Variants in COL19A1 observed in about 807,000 individuals in gnomAD.
COL19A1 encodes collagen alpha-1(XIX) chain.
COL19A1 carries 159 observed loss-of-function variants against 190.2 expected under a neutral mutation model. The observed-to-expected ratio is 0.84, with a 90% CI of 0.73 to 0.95. The LOEUF (loss-of-function observed/expected upper bound fraction) is 0.95, where lower values mean the gene tolerates loss of function less well. Among genes scored for constraint, COL19A1 ranks in the 40% least tolerant of loss-of-function variants. COL19A1 has a pLI of 0.00. For synonymous variants in COL19A1, 509 were observed against 458.9 expected (o/e 1.11, Z -1.39); for missense variants, 1,418 against 1,431.9 (o/e 0.99, Z 0.16).
chr6:70,168,175 G>A lies in COL19A1; in HGVS notation c.2501G>A (p.Gly834Asp), dbSNP rs1217162297. Reference sequence around the variant, plus strand: ...TCTTTTCATTTTCTTTTGAAGGGAGGTGTGAATGTTCCCAGTTACCCAGGG... The same window carrying A: ...TCTTTTCATTTTCTTTTGAAGGGAGATGTGAATGTTCCCAGTTACCCAGGG... ...GMSSLYKIKG[G>D]VNVPSYPGPP... is the part of the protein sequence containing the mutation. Residue 834 changes from glycine to aspartate, a missense_variant, in exon 39 of 51, where the codon GGT becomes GAT. Gly to Asp is a moderately conservative substitution (Grantham distance 94). Transcript: ENST00000620364. 4 of 1,612,966 alleles carry A rather than the reference G, an allele frequency of 2.5e-6. No individual in the cohort carries two copies. Among genetic ancestry groups the A allele is most frequent in the East Asian group, 4.5e-5 (2 of 44,790 alleles).
chr6:69,902,177 A>G (rs1561978983), intron 4 of COL19A1, among the ~76,000 whole-genome samples: 1 of 152,214 alleles, frequency 6.6e-6, no homozygotes, highest in Non-Finnish European at 1.5e-5. Flanking sequence ...TGAGCCAAGT[A>G]TGCTAGGATG....
At chr6:70,062,296 A>G (rs1347505039) in intron 14 of COL19A1, among the ~76,000 whole-genome samples, 1 of 152,178 alleles carries the variant, frequency 6.6e-6, no homozygotes, top group Non-Finnish European at 1.5e-5. Flanking sequence ...TATTAATCAA[A>G]TGAAAGCCAT....
chr6:70,069,816 T>G (rs1377460022), intron 15 of COL19A1, among the ~76,000 whole-genome samples: 3 of 152,204 alleles, frequency 2.0e-5, no homozygotes, highest in Non-Finnish European at 2.9e-5. Flanking sequence ...AATTTCATCT[T>G]TATTGATTTT....
intron 4 of COL19A1, among the ~76,000 whole-genome samples, chr6:69,917,520 G>GT (rs1397031812): frequency 6.6e-6 from 1 of 152,122 alleles, no homozygotes; most frequent in Non-Finnish European, 1.5e-5. Flanking sequence ...ACAGGACCCT[G>GT]TTTTTGTGGA....
chr6:69,992,226 C>A (rs957432825), intron 11 of COL19A1, among the ~76,000 whole-genome samples: 4 of 152,008 alleles, frequency 2.6e-5, no homozygotes, highest in Non-Finnish European at 5.9e-5. Context: ...ATCTTTATTT[C>A]TGGGTTCTCT....
At chr6:70,110,583 T>C (rs1307395309) in intron 16 of COL19A1, among the ~76,000 whole-genome samples, 1 of 152,186 alleles carries the variant, frequency 6.6e-6, no homozygotes, top group Non-Finnish European at 1.5e-5. Context: ...CCAACATTGC[T>C]AAAATTCCAG....
chr6:69,953,663 G>C (rs1438080496), intron 9 of COL19A1, among the ~76,000 whole-genome samples: 1 of 151,994 alleles, frequency 6.6e-6, no homozygotes, highest in Non-Finnish European at 1.5e-5. Context: ...AAGTAGAGCA[G>C]TTGGCAGGGA....
intron 11 of COL19A1, among the ~76,000 whole-genome samples, chr6:69,995,103 T>C (rs1306202862): frequency 6.6e-6 from 1 of 152,176 alleles, no homozygotes; most frequent in Non-Finnish European, 1.5e-5. Flanking sequence ...GCCCCATTAT[T>C]TGTCATTCGA....
intron 14 of COL19A1, among the ~76,000 whole-genome samples, chr6:70,043,190 CTTCT>C (rs1444714435): frequency 6.1e-5 from 7 of 114,576 alleles, no homozygotes; most frequent in Admixed American, 3.2e-4. Context: ...TGTATTTCTT[CTTCT>C]TTTTTTTTTT....
chr6:70,154,717 G>A (rs922450971), intron 31 of COL19A1, among the ~76,000 whole-genome samples: 13 of 152,194 alleles, frequency 8.5e-5, no homozygotes, highest in South Asian at 2.1e-4. Flanking sequence ...AGCTGACAGC[G>A]CAGCCTTCAG....
chr6:69,869,369 G>A (rs942244781), intron 1 of COL19A1, among the ~76,000 whole-genome samples: 68 of 152,314 alleles, frequency 4.5e-4, no homozygotes, highest in African/African-American at 1.5e-3. Context: ...ATAATCAGGT[G>A]AGCAAGTTGC....
chr6:70,173,968 G>T (rs996101297), intron 41 of COL19A1, among the ~76,000 whole-genome samples: 1 of 152,112 alleles, frequency 6.6e-6, no homozygotes, highest in Non-Finnish European at 1.5e-5. Context: ...GGGACCTAGT[G>T]CATATGTGGA....
chr6:70,062,656 A>G (rs1009769518), intron 14 of COL19A1, among the ~76,000 whole-genome samples: 9 of 152,254 alleles, frequency 5.9e-5, no homozygotes, highest in African/African-American at 1.2e-4. Context: ...TAAATGGCCT[A>G]AATGCTCCAA....
In COL19A1 at chr6:70,083,985, T is replaced by C. The variant is rs558636545; in HGVS notation, c.1224+15509T>C. ...CTCCCTCAACTCTTTCAACCTTTTTTCCCCCCGGAAAAAAGATAAAATGAA... is the reference window on the plus strand; with the variant it reads ...CTCCCTCAACTCTTTCAACCTTTTTCCCCCCCGGAAAAAAGATAAAATGAA... On this transcript the variant is annotated intron_variant, in intron 15 of 50. Transcript: ENST00000620364. Among the ~76,000 whole-genome samples, 171 of 151,830 alleles carry C rather than the reference T, an allele frequency of 1.1e-3. 2 individuals are homozygous for C. The highest frequency in any genetic ancestry group is 1.2e-3 in the Non-Finnish European group (80 of 67,952).
At chr6:69,960,910 C>T (rs1774754273) in intron 10 of COL19A1, among the ~76,000 whole-genome samples, 1 of 152,050 alleles carries the variant, frequency 6.6e-6, no homozygotes, top group African/African-American at 2.4e-5. Context: ...GGATTACAGG[C>T]GTGAGCCACC....
chr6:70,207,244 T>C lies in COL19A1; in HGVS notation c.3399T>C (p.Ser1133=). Residue 1133 remains serine, a synonymous_variant, in exon 51 of 51, where the codon TCT becomes TCC. Transcript: ENST00000620364. ...CAGAAGATTGCCTCTATCCTGTGTCTCATGCCCATCAGCGCACAGGTGGGA... is the reference window on the plus strand; with the variant it reads ...CAGAAGATTGCCTCTATCCTGTGTCCCATGCCCATCAGCGCACAGGTGGGA... ...CNPEDCLYPV[S]HAHQRTGGN 1 of 1,613,934 alleles carries C rather than the reference T, an allele frequency of 6.2e-7. No homozygotes were observed. Among genetic ancestry groups the C allele is most frequent in the Non-Finnish European group, 8.5e-7 (1 of 1,179,926 alleles).
intron 9 of COL19A1, among the ~76,000 whole-genome samples, chr6:69,944,004 C>A (rs1046527953): frequency 4.7e-5 from 7 of 150,202 alleles, no homozygotes; most frequent in Non-Finnish European, 8.9e-5. Flanking sequence ...GTGTAGAGCT[C>A]TCCCCTACCT....
intron 14 of COL19A1, among the ~76,000 whole-genome samples, chr6:70,045,911 A>G (rs1779885206): frequency 6.6e-6 from 1 of 152,174 alleles, no homozygotes; most frequent in African/African-American, 2.4e-5. Context: ...TAATTTTTCC[A>G]AATGTTGACT....
At chr6:70,084,659 C>G (rs559855072) in intron 15 of COL19A1, among the ~76,000 whole-genome samples, 4 of 152,252 alleles carry the variant, frequency 2.6e-5, no homozygotes, top group African/African-American at 9.6e-5. Flanking sequence ...TCCTTCTCTT[C>G]CAGATGTACA....
Sources: allele counts gnomAD v4.1 joint callset (sites outside exome capture counted in the v4.1 genomes callset), GRCh38; gene constraint gnomAD v4.1.1; transcripts MANE v1.5; gene names NCBI Gene and HGNC (gene_info 2026-07-23, HGNC 2026-07-21).